The following DLGAP1 variants were observed in gnomAD, a reference collection of about 807,000 sequenced individuals.
DLGAP1 encodes the protein disks large-associated protein 1.
A neutral mutation model predicts 90.8 loss-of-function variants in DLGAP1; 11 were observed. That is an observed-to-expected ratio of 0.12 (90% CI 0.08 to 0.20). The LOEUF is 0.20. Among genes scored for constraint, DLGAP1 ranks in the 10% least tolerant of loss-of-function variants. DLGAP1 has a pLI of 1.00. For synonymous variants in DLGAP1, 558 were observed against 540.7 expected (o/e 1.03, Z -0.44); for missense variants, 1,050 against 1,333.8 (o/e 0.79, Z 3.31).
intron 1 of DLGAP1, among the ~76,000 whole-genome samples, chr18:4,220,873 C>A (rs2078060151): frequency 6.6e-6 from 1 of 152,032 alleles, no homozygotes; most frequent in South Asian, 2.1e-4. Flanking sequence ...AACAGTGGAC[C>A]ACATATGTGA....
intron 7 of DLGAP1, among the ~76,000 whole-genome samples, chr18:3,632,747 G>GA (rs567276223): frequency 6.6e-6 from 1 of 152,222 alleles, no homozygotes; most frequent in South Asian, 2.1e-4. Context: ...ATGTGGCCTA[G>GA]AAAAAGTCTT....
At chr18:4,226,706 T>G (rs1598663713) in intron 1 of DLGAP1, among the ~76,000 whole-genome samples, 1 of 136,792 alleles carries the variant, frequency 7.3e-6, no homozygotes, top group Non-Finnish European at 1.6e-5. Flanking sequence ...AAACAGTGTA[T>G]ACACAAAAAA....
chr18:3,694,915 C>A (rs372852251), intron 7 of DLGAP1, among the ~76,000 whole-genome samples: 1 of 150,786 alleles, frequency 6.6e-6, no homozygotes, highest in East Asian at 2.0e-4. Context: ...GGCTTTTGTC[C>A]CTATTGCTTT....
At chr18:3,572,440 G>A (rs984508739) in intron 8 of DLGAP1, among the ~76,000 whole-genome samples, 4 of 148,594 alleles carry the variant, frequency 2.7e-5, no homozygotes, top group African/African-American at 5.1e-5. Context: ...TTATTTATTT[G>A]TTTGTTTGTT....
intron 3 of DLGAP1, among the ~76,000 whole-genome samples, chr18:3,965,564 GTGT>G (rs1022505105): frequency 1.3e-5 from 2 of 152,112 alleles, no homozygotes; most frequent in African/African-American, 4.8e-5. Context: ...CATCAATATA[GTGT>G]TGTAGAAAGA....
At chr18:4,298,628 TG>T (rs1233121710) in intron 1 of DLGAP1, among the ~76,000 whole-genome samples, 1 of 130,376 alleles carries the variant, frequency 7.7e-6, no homozygotes, top group East Asian at 2.2e-4. Flanking sequence ...TGTTGTGGGG[TG>T]GGGGGAAAGG....
At chr18:4,050,678 TG>T (rs1165978844) in intron 2 of DLGAP1, among the ~76,000 whole-genome samples, 1 of 152,246 alleles carries the variant, frequency 6.6e-6, no homozygotes, top group Non-Finnish European at 1.5e-5. Flanking sequence ...TTATGTCACT[TG>T]TTTTATAAAA....
rs534041574 is a variant in DLGAP1, at chr18:4,183,689, T to G, written c.-266-32402A>C. On this transcript the variant is annotated intron_variant, in intron 1 of 12. Coordinates refer to ENST00000315677, the MANE Select transcript of DLGAP1 (RefSeq NM_004746.4). Reference sequence around the variant, plus strand: ...CCTTTCTGCTAGAAGCTACGAAGAATTAATTGCCATGTAGGTTTCCTTGGA... The same window carrying G: ...CCTTTCTGCTAGAAGCTACGAAGAAGTAATTGCCATGTAGGTTTCCTTGGA... Among the ~76,000 whole-genome samples, 11 of 152,250 alleles carry G rather than the reference T, an allele frequency of 7.2e-5. No individual in the cohort carries two copies. In the South Asian group the frequency reaches 8.3e-4, roughly 11 times the overall value.
chr18:4,022,923 T>G (rs868541736), intron 2 of DLGAP1, among the ~76,000 whole-genome samples: 3 of 126,796 alleles, frequency 2.4e-5, no homozygotes, highest in African/African-American at 8.6e-5. Flanking sequence ...TTAATTAGTA[T>G]TTTCCTTAGC....
intron 1 of DLGAP1, among the ~76,000 whole-genome samples, chr18:4,296,284 C>T (rs1240012208): frequency 1.1e-5 from 1 of 87,152 alleles, no homozygotes; most frequent in Admixed American, 1.3e-4. Flanking sequence ...ACTCTCACAG[C>T]CTAAAGCTGA....
At chr18:4,264,924 A>T (rs2145293350) in intron 1 of DLGAP1, 1 of 152,250 alleles carries the variant, frequency 6.6e-6, no homozygotes, top group African/African-American at 2.4e-5. Context: ...GAATCTTTGA[A>T]TCTTACCTTT....
intron 7 of DLGAP1, among the ~76,000 whole-genome samples, chr18:3,602,593 C>CA (rs71159102): frequency 0.2 from 12,593 of 61,842 alleles, 385 homozygotes; most frequent in Non-Finnish European, 0.23. Flanking sequence ...AGACTCCGTC[C>CA]AAAAAAAAAA....
At chr18:3,895,540 C>T (rs547667337) in intron 3 of DLGAP1, among the ~76,000 whole-genome samples, 5 of 152,278 alleles carry the variant, frequency 3.3e-5, no homozygotes, top group South Asian at 4.1e-4. Context: ...TAGATGCATT[C>T]GATAAATGTT....
intron 1 of DLGAP1, among the ~76,000 whole-genome samples, chr18:4,340,639 T>C (rs1598938374): frequency 6.6e-6 from 1 of 152,026 alleles, no homozygotes; most frequent in East Asian, 1.9e-4. Flanking sequence ...CAAAAAACTA[T>C]AGTTGAAGAG....
intron 9 of DLGAP1, among the ~76,000 whole-genome samples, chr18:3,542,224 T>A (rs768800345): frequency 3.3e-5 from 5 of 152,194 alleles, no homozygotes; most frequent in Non-Finnish European, 7.3e-5. Flanking sequence ...AAAATACGCA[T>A]CTGCTCCCAT....
chr18:4,445,997 T>C (rs749844330), intron 1 of DLGAP1, among the ~76,000 whole-genome samples: 5 of 152,064 alleles, frequency 3.3e-5, no homozygotes, highest in Non-Finnish European at 5.9e-5. Context: ...TCCTAGTCTC[T>C]AGGAGCAGCC....
At chr18:3,672,027 G>C (rs2060103479) in intron 7 of DLGAP1, among the ~76,000 whole-genome samples, 1 of 151,640 alleles carries the variant, frequency 6.6e-6, no homozygotes, top group Non-Finnish European at 1.5e-5. Context: ...TATTTGTTCA[G>C]GAAAAACAAA....
intron 3 of DLGAP1, among the ~76,000 whole-genome samples, chr18:3,914,250 C>T (rs1275954582): frequency 6.6e-6 from 1 of 152,190 alleles, no homozygotes; most frequent in African/African-American, 2.4e-5. Context: ...ATTTTACTCT[C>T]TGCTTCTACG....
intron 1 of DLGAP1, among the ~76,000 whole-genome samples, chr18:4,245,846 C>T (rs936917118): frequency 7.5e-5 from 11 of 146,588 alleles, no homozygotes; most frequent in Admixed American, 1.4e-4. Flanking sequence ...GAAAACAAAG[C>T]CAAGGGCTTG....
Sources: allele counts gnomAD v4.1 joint callset (sites outside exome capture counted in the v4.1 genomes callset), GRCh38; gene constraint gnomAD v4.1.1; transcripts MANE v1.5; gene names NCBI Gene and HGNC (gene_info 2026-07-23, HGNC 2026-07-21).